CNTN5: variants seen among roughly 807,000 people sequenced by gnomAD.
CNTN5 encodes the protein contactin 5, also known as contactin-5.
CNTN5 carries 77 observed loss-of-function variants against 129.1 expected under a neutral mutation model. The ratio of observed to expected loss-of-function variants is 0.60; its 90% CI spans 0.50 to 0.72. CNTN5 has a LOEUF of 0.72. CNTN5 is among the 30% of genes least tolerant of loss of function. The pLI is 0.00. For missense variants in CNTN5, 1,478 were observed against 1,328.8 expected (o/e 1.11, Z -1.75); for synonymous variants, 509 against 465.6 (o/e 1.09, Z -1.20).
chr11:99,269,620 A>G (rs935780092), intron 1 of CNTN5, among the ~76,000 whole-genome samples: 1 of 151,904 alleles, frequency 6.6e-6, no homozygotes, highest in Non-Finnish European at 1.5e-5. Flanking sequence ...GTCCAGAGAT[A>G]TCTTATATTA....
At chr11:100,185,936 G>A (rs895784214) in intron 13 of CNTN5, among the ~76,000 whole-genome samples, 13 of 152,288 alleles carry the variant, frequency 8.5e-5, no homozygotes, top group Non-Finnish European at 1.8e-4. Flanking sequence ...GTTAAACAAC[G>A]TAATCTAGAA....
intron 18 of CNTN5, among the ~76,000 whole-genome samples, chr11:100,279,119 A>G (rs1950578180): frequency 6.6e-6 from 1 of 152,120 alleles, no homozygotes; most frequent in East Asian, 1.9e-4. Flanking sequence ...TTATTTGTGT[A>G]TGTTGAATTT....
intron 2 of CNTN5, among the ~76,000 whole-genome samples, chr11:99,343,012 G>T (rs1866593212): frequency 6.6e-6 from 1 of 152,120 alleles, no homozygotes; most frequent in Non-Finnish European, 1.5e-5. Flanking sequence ...TTGTAAAGTG[G>T]AAAGGGAGCA....
At chr11:99,914,765 T>A (rs942073659) in intron 6 of CNTN5, among the ~76,000 whole-genome samples, 2 of 152,124 alleles carry the variant, frequency 1.3e-5, no homozygotes, top group African/African-American at 4.8e-5. Context: ...TGGTGTCATG[T>A]CTTCACTACT....
At chr11:99,947,764 A>G (rs946684446) in intron 7 of CNTN5, among the ~76,000 whole-genome samples, 19 of 152,176 alleles carry the variant, frequency 1.2e-4, no homozygotes, top group Middle Eastern at 3.2e-3. Context: ...CAATTTATAA[A>G]ACACTTATTT....
intron 3 of CNTN5, among the ~76,000 whole-genome samples, chr11:99,595,637 C>G (rs1425088827): frequency 1.3e-5 from 2 of 152,098 alleles, no homozygotes; most frequent in African/African-American, 2.4e-5. Flanking sequence ...GTATGAATTA[C>G]CAGTGTTTTT....
intron 10 of CNTN5, among the ~76,000 whole-genome samples, chr11:100,067,744 C>T (rs1325640019): frequency 6.6e-6 from 1 of 151,738 alleles, no homozygotes; most frequent in Non-Finnish European, 1.5e-5. Flanking sequence ...GCCTTTCACC[C>T]ACTAGAGTTT....
chr11:99,273,202 A>G (rs1863257969), intron 1 of CNTN5, among the ~76,000 whole-genome samples: 1 of 151,770 alleles, frequency 6.6e-6, no homozygotes, highest in African/African-American at 2.4e-5. Flanking sequence ...ATATGCACCA[A>G]TTCTTGTTTG....
At chr11:99,402,811 C>G (rs1441431614) in intron 2 of CNTN5, among the ~76,000 whole-genome samples, 1 of 152,082 alleles carries the variant, frequency 6.6e-6, no homozygotes. Flanking sequence ...TTGTATGTGT[C>G]AAGGAATTTG....
chr11:100,188,324 G>A (rs911355710), intron 13 of CNTN5, among the ~76,000 whole-genome samples: 11 of 152,032 alleles, frequency 7.2e-5, no homozygotes, highest in South Asian at 2.1e-4. Flanking sequence ...CACAGGGGGC[G>A]AGGAGAGACC....
At chr11:99,863,833 A>T (rs1948281630) in intron 6 of CNTN5, among the ~76,000 whole-genome samples, 1 of 152,218 alleles carries the variant, frequency 6.6e-6, no homozygotes, top group African/African-American at 2.4e-5. Flanking sequence ...AAATTGTATG[A>T]TCTGAGCTTT....
At chr11:99,370,151 C>A (rs955312562) in intron 2 of CNTN5, among the ~76,000 whole-genome samples, 2 of 152,076 alleles carry the variant, frequency 1.3e-5, no homozygotes, top group African/African-American at 4.8e-5. Context: ...AAAGATGTAG[C>A]AAAATGAAGA....
intron 3 of CNTN5, among the ~76,000 whole-genome samples, chr11:99,665,761 A>G (rs1171721571): frequency 6.6e-6 from 1 of 152,032 alleles, no homozygotes; most frequent in Non-Finnish European, 1.5e-5. Flanking sequence ...TGCTGAGATT[A>G]CAGGTGTGAG....
At chr11:100,012,969 G>A (rs72994890) in intron 9 of CNTN5, among the ~76,000 whole-genome samples, 127 of 152,208 alleles carry the variant, frequency 8.3e-4, no homozygotes, top group Non-Finnish European at 1.4e-3. Context: ...CAACTATCTG[G>A]ATGCTGAGAT....
At chr11:100,158,522 T>C (rs1386268947) in intron 13 of CNTN5, among the ~76,000 whole-genome samples, 1 of 151,818 alleles carries the variant, frequency 6.6e-6, no homozygotes, top group African/African-American at 2.4e-5. Context: ...AAAAATGCGA[T>C]AAAGTAGAAA....
intron 3 of CNTN5, among the ~76,000 whole-genome samples, chr11:99,739,667 C>T (rs966846972): frequency 6.6e-6 from 1 of 151,998 alleles, no homozygotes; most frequent in Non-Finnish European, 1.5e-5. Flanking sequence ...ACAACAGTGC[C>T]CCCTGATGGG....
intron 8 of CNTN5, among the ~76,000 whole-genome samples, chr11:99,975,836 C>T (rs1937918003): frequency 6.6e-6 from 1 of 152,146 alleles, no homozygotes; most frequent in African/African-American, 2.4e-5. Flanking sequence ...ATCTCATGTC[C>T]TTCCACATTT....
intron 13 of CNTN5, among the ~76,000 whole-genome samples, chr11:100,151,444 T>A (rs1178984209): frequency 6.6e-6 from 1 of 152,016 alleles, no homozygotes; most frequent in Non-Finnish European, 1.5e-5. Flanking sequence ...TAGGAGATTA[T>A]AGAAACTCTA....
chr11:99,470,531 G>C (rs1945130248), intron 2 of CNTN5, among the ~76,000 whole-genome samples: 1 of 151,934 alleles, frequency 6.6e-6, no homozygotes, highest in Admixed American at 6.6e-5. Flanking sequence ...TCTCTACACT[G>C]GTTCTATACT....
Sources: allele counts gnomAD v4.1 joint callset (sites outside exome capture counted in the v4.1 genomes callset), GRCh38; gene constraint gnomAD v4.1.1; transcripts MANE v1.5; gene names NCBI Gene and HGNC (gene_info 2026-07-23, HGNC 2026-07-21).